The following ZNF180 variants were observed in gnomAD, a reference collection of about 807,000 sequenced individuals.
ZNF180 encodes the protein zinc finger protein 180 (HHZ168).
A neutral mutation model predicts 11.8 loss-of-function variants in ZNF180; 11 were observed. That is an observed-to-expected ratio of 0.93 (90% CI 0.59 to 1.55). The LOEUF is 1.55. Ranked by LOEUF, ZNF180 falls within the 40% of genes most tolerant of loss-of-function variation. The pLI is 0.00. For synonymous variants in ZNF180, 287 were observed against 257.7 expected, an observed-to-expected ratio of 1.11 and a Z score of -1.09; for missense variants, 773 against 781.7, an observed-to-expected ratio of 0.99 and a Z score of 0.13.
At chr19:44,496,632 C>T (rs1315753979) in intron 2 of ZNF180, 4 of 124,166 alleles carry the variant, frequency 3.2e-5, no homozygotes, top group Non-Finnish European at 6.3e-5. Flanking sequence ...AGGATTGTGT[C>T]ACTGCACTCC....
intron 2 of ZNF180, among the ~76,000 whole-genome samples, chr19:44,489,934 AAGAC>A (rs1224457070): frequency 1.3e-5 from 2 of 149,728 alleles, no homozygotes; most frequent in African/African-American, 2.4e-5. Flanking sequence ...GAGAGAGAGA[AAGAC>A]AGGAAAGAAA....
chr19:44,488,707 G>A lies in ZNF180; in HGVS notation c.52-4272C>T, dbSNP rs563294933. Among the ~76,000 whole-genome samples, 237 of 151,744 alleles carry A rather than the reference G, an allele frequency of 1.6e-3. 1 individual carries two copies. Among genetic ancestry groups the A allele is most frequent in the African/African-American group, 5.3e-3 (220 of 41,388 alleles). On this transcript the variant is annotated intron_variant, in intron 2 of 4. Coordinates refer to ENST00000592529, the MANE Select transcript of ZNF180 (RefSeq NM_001278509.3). ...CCACCCCGTCTGGGAAGTGAGGAGC[G>A]TCTCTGCCTGGCTGCCCATTGTCTG... is the stretch of plus-strand genomic sequence containing the variant.
chr19:44,493,170 G>A (rs189012908), intron 2 of ZNF180, among the ~76,000 whole-genome samples: 1 of 152,228 alleles, frequency 6.6e-6, no homozygotes, highest in Non-Finnish European at 1.5e-5. Context: ...CATCCACATA[G>A]GGCCACCAAC....
Position 44,478,080 on chromosome 19 carries a change from G to T in ZNF180, c.320C>A (p.Ala107Asp). ...SKQRIFDEEP[A>D]NGVKIERFTR... ...AAACCTTTCTATCTTCACTCCATTA[G>T]CTGGTTCTTCATCAAAAATCCTCTG... The change falls in exon 5 of 5, where the codon GCT becomes GAT. Residue 107 changes from alanine to aspartate, a missense_variant. Ala to Asp is a moderately radical substitution (Grantham distance 126). Transcript: ENST00000592529. 1 of 1,604,384 alleles carries T rather than the reference G, an allele frequency of 6.2e-7. No homozygotes were observed. Among genetic ancestry groups the T allele is most frequent in the Non-Finnish European group, 8.5e-7 (1 of 1,174,542 alleles).
rs1400300102 is a variant in ZNF180 at position 44,476,403 on chromosome 19, T to C, written c.1997A>G (p.Ter666TrpextTer20). The change falls in exon 5 of 5, where the codon TAG becomes TGG. Residue 666 changes from the stop codon to tryptophan, a stop_lost. Coordinates refer to ENST00000592529, the MANE Select transcript of ZNF180 (RefSeq NM_001278509.3). ...HTEEKLYECN[*>W] Reference sequence around the variant, plus strand: ...AAGAAATCCCAGCTGATTTACAAACTAGTTACATTCATAGAGTTTCTCTTC... The same window carrying C: ...AAGAAATCCCAGCTGATTTACAAACCAGTTACATTCATAGAGTTTCTCTTC... 1 of 1,551,798 alleles carries C rather than the reference T, an allele frequency of 6.4e-7. No individual in the cohort carries two copies. The highest frequency in any genetic ancestry group is 1.4e-5 in the African/African-American group (1 of 72,212).
chr19:44,487,872 G>T (rs192159522), intron 2 of ZNF180, among the ~76,000 whole-genome samples: 1 of 152,040 alleles, frequency 6.6e-6, no homozygotes, highest in Non-Finnish European at 1.5e-5. Flanking sequence ...GACTACAGGC[G>T]CACATCACCA....
chr19:44,476,833 C>T lies in ZNF180; in HGVS notation c.1567G>A (p.Glu523Lys). ...AAAGATTTTCCACATTCACTACATT[C>T]ATACGGTTTCTCTCCAGTGTGAGTT... is the stretch of plus-strand genomic sequence containing the variant. Reference protein sequence around the residue: ...QRTHTGEKPYECSECGKSFNR... With the variant: ...QRTHTGEKPYKCSECGKSFNR... The change falls in exon 5 of 5, where the codon GAA (glutamate) becomes AAA (lysine). Residue 523 changes from glutamate (E) to lysine (K), a missense_variant. By Grantham distance (56) the Glu-to-Lys change is moderately conservative. Transcript: ENST00000592529. The T allele has an allele frequency of 6.2e-7, 1 of 1,614,082 alleles. No individual in the cohort carries two copies. Among genetic ancestry groups the T allele is most frequent in the South Asian group, 1.1e-5 (1 of 91,080 alleles).
intron 2 of ZNF180, among the ~76,000 whole-genome samples, chr19:44,488,222 C>CTCTCCCTCTCTTTCCACGG (rs1970295465): frequency 5.6e-5 from 1 of 17,776 alleles, no homozygotes; most frequent in Non-Finnish European, 1.0e-4. Flanking sequence ...CACGGTCTCC[C>CTCTCCCTCTCTTTCCACGG]TCTCCCTCTC....
intron 2 of ZNF180, among the ~76,000 whole-genome samples, chr19:44,489,681 T>G (rs1970371839): frequency 7.3e-6 from 1 of 137,570 alleles, no homozygotes; most frequent in Non-Finnish European, 1.6e-5. Flanking sequence ...CCTCCACTAT[T>G]GTCCTATGAC....
intron 2 of ZNF180, 46 bp from the exon 3 acceptor site, chr19:44,484,481 T>C (rs746679997): frequency 7.0e-7 from 1 of 1,428,586 alleles, no homozygotes; most frequent in Non-Finnish European, 9.9e-7. Context: ...ATCAGGGAGC[T>C]AAGTGGCAGC....
chr19:44,494,269 T>A (rs997076575), intron 2 of ZNF180, among the ~76,000 whole-genome samples: 4 of 152,166 alleles, frequency 2.6e-5, no homozygotes, highest in African/African-American at 9.7e-5. Context: ...ATGAACAGAC[T>A]TCTAATTCAG....
intron 1 of ZNF180, among the ~76,000 whole-genome samples, chr19:44,498,030 C>T (rs1659125173): frequency 6.6e-6 from 1 of 152,176 alleles, no homozygotes; most frequent in Non-Finnish European, 1.5e-5. Flanking sequence ...GTTCCCTCCA[C>T]ACTTCTGGGG....
At position 44,476,835 on chromosome 19, in the gene ZNF180, T is replaced by C. The variant is rs1369262068; in HGVS notation, c.1565A>G (p.Tyr522Cys). The C allele has an allele frequency of 1.2e-6, 2 of 1,613,950 alleles. No individual in the cohort carries two copies. The highest frequency in any genetic ancestry group is 1.7e-6 in the Non-Finnish European group (2 of 1,180,004). The change falls in exon 5 of 5, where the codon TAT becomes TGT. Residue 522 changes from tyrosine to cysteine, a missense_variant. Tyr to Cys is a radical substitution (Grantham distance 194). Coordinates refer to ENST00000592529, the MANE Select transcript of ZNF180 (RefSeq NM_001278509.3). Reference protein sequence around the residue: ...HQRTHTGEKPYECSECGKSFN... With the variant: ...HQRTHTGEKPCECSECGKSFN... Reference sequence around the variant, plus strand: ...AGATTTTCCACATTCACTACATTCATACGGTTTCTCTCCAGTGTGAGTTCT... The same window carrying C: ...AGATTTTCCACATTCACTACATTCACACGGTTTCTCTCCAGTGTGAGTTCT...
Position 44,481,110 on chromosome 19 carries a change from C to G in ZNF180, c.127-1701G>C, listed in dbSNP as rs539897097. Among the ~76,000 whole-genome samples, 7 of 152,248 alleles carry G rather than the reference C, an allele frequency of 4.6e-5. No individual in the cohort carries two copies. In the East Asian group the frequency reaches 1.4e-3, roughly 29 times the overall value. ...AGGGCCTGTTCTTAAGATAACTGGG[C>G]AGGAATTTTAATCCAAAAGAGAAGT... On this transcript the variant is annotated intron_variant, in intron 3 of 4. Coordinates refer to ENST00000592529, the MANE Select transcript of ZNF180 (RefSeq NM_001278509.3).
chr19:44,496,305 C>T (rs2686776), intron 2 of ZNF180, among the ~76,000 whole-genome samples: 44,785 of 151,808 alleles, frequency 0.3, 7,804 homozygotes, highest in South Asian at 0.4. Context: ...AGGTGTGAAC[C>T]ACTGTGCTTG....
intron 1 of ZNF180, among the ~76,000 whole-genome samples, chr19:44,498,549 C>G (rs139044654): frequency 6.6e-6 from 1 of 152,160 alleles, no homozygotes; most frequent in East Asian, 1.9e-4. Context: ...GTCTTTCCAC[C>G]AAACTGGGCA....
intron 2 of ZNF180, among the ~76,000 whole-genome samples, chr19:44,486,187 G>A (rs1432639367): frequency 1.6e-5 from 2 of 123,998 alleles, no homozygotes; most frequent in African/African-American, 5.4e-5. Context: ...ATATTGCTGA[G>A]TGAAAAAATG....
At chr19:44,486,627 G>A (rs1001230388) in intron 2 of ZNF180, among the ~76,000 whole-genome samples, 1 of 152,190 alleles carries the variant, frequency 6.6e-6, no homozygotes, top group African/African-American at 2.4e-5. Flanking sequence ...AAAGTGGCCA[G>A]GTGCAGCAGT....
chr19:44,481,831 C>T (rs552214882), intron 3 of ZNF180, among the ~76,000 whole-genome samples: 1 of 152,230 alleles, frequency 6.6e-6, no homozygotes, highest in Admixed American at 6.5e-5. Context: ...TAAGTCATCC[C>T]CCCTCACCTG....
Sources: allele counts gnomAD v4.1 joint callset (sites outside exome capture counted in the v4.1 genomes callset), GRCh38; gene constraint gnomAD v4.1.1; transcripts MANE v1.5; gene names NCBI Gene and HGNC (gene_info 2026-07-23, HGNC 2026-07-21).